RUNDC3B: variants seen among roughly 807,000 people sequenced by gnomAD.
The protein encoded by RUNDC3B is RUN domain-containing protein 3B.
RUNDC3B carries 33 observed loss-of-function variants against 58.4 expected under a neutral mutation model. The ratio of observed to expected loss-of-function variants is 0.56; its 90% CI spans 0.43 to 0.75. RUNDC3B has a LOEUF of 0.75. Ranked by LOEUF, RUNDC3B falls within the 30% of genes least tolerant of loss-of-function variation. The probability of loss-of-function intolerance (pLI) is 0.00; values close to 1 mark genes in which losing one functional copy is unlikely to be tolerated. For missense variants in RUNDC3B, 501 were observed against 535.7 expected, an observed-to-expected ratio of 0.94 and a Z score of 0.64; for synonymous variants, 193 against 195.2, an observed-to-expected ratio of 0.99 and a Z score of 0.10.
At chr7:87,728,544 A>C (rs1831382850) in intron 4 of RUNDC3B, among the ~76,000 whole-genome samples, 1 of 152,196 alleles carries the variant, frequency 6.6e-6, no homozygotes, top group Non-Finnish European at 1.5e-5. Flanking sequence ...AGATGTATGC[A>C]TTACTTGGCT....
At chr7:87,663,260 T>C (rs1194128840) in intron 2 of RUNDC3B, among the ~76,000 whole-genome samples, 4 of 152,130 alleles carry the variant, frequency 2.6e-5, no homozygotes, top group Non-Finnish European at 1.5e-5. Flanking sequence ...ATCCCTCTTA[T>C]TTTATTGTAA....
intron 6 of RUNDC3B, among the ~76,000 whole-genome samples, chr7:87,753,960 A>G (rs1205774164): frequency 6.6e-6 from 1 of 152,198 alleles, no homozygotes; most frequent in East Asian, 1.9e-4. Flanking sequence ...ATAAAGGCAC[A>G]TTTATTAAAG....
At chr7:87,773,296 C>T (rs1834389606) in intron 7 of RUNDC3B, among the ~76,000 whole-genome samples, 1 of 141,720 alleles carries the variant, frequency 7.1e-6, no homozygotes, top group Admixed American at 7.5e-5. Flanking sequence ...GCACTCCAGC[C>T]TGGGCAACAG....
At chr7:87,642,787 A>G (rs1264217995) in intron 1 of RUNDC3B, among the ~76,000 whole-genome samples, 3 of 152,216 alleles carry the variant, frequency 2.0e-5, no homozygotes, top group Non-Finnish European at 4.4e-5. Context: ...TTATATAGCA[A>G]TACAAGATGT....
At position 87,628,797 on chromosome 7, in the gene RUNDC3B, C is replaced by T; in HGVS notation, c.-27C>T. 1 of 1,217,028 alleles carries T rather than the reference C, an allele frequency of 8.2e-7. No homozygotes were observed. The highest frequency in any genetic ancestry group is 2.8e-4 in the Middle Eastern group (1 of 3,616). 75.4% of individuals were successfully genotyped at this position (1,217,028 alleles called of 1,614,324 possible). A position where few individuals can be genotyped will look rare whatever the true frequency, so the allele number is the denominator to read the frequency against. On this transcript the variant is annotated 5_prime_UTR_variant, in exon 1 of 11. Coordinates refer to ENST00000394654, the MANE Select transcript of RUNDC3B (RefSeq NM_001134405.2). The stretch of plus-strand genomic sequence containing the variant: ...GGGGGGCGTGCGGGGTGGCACGAGA[C>T]AAAAGGGGCACGGGGGTAAGCCCGC...
chr7:87,783,423 A>G (rs1835044649), intron 8 of RUNDC3B, among the ~76,000 whole-genome samples: 1 of 152,112 alleles, frequency 6.6e-6, no homozygotes, highest in East Asian at 1.9e-4. Flanking sequence ...TCTCTTGAAG[A>G]TAGCAAGTGG....
At chr7:87,715,306 T>C (rs1583983275) in intron 4 of RUNDC3B, among the ~76,000 whole-genome samples, 1 of 132,614 alleles carries the variant, frequency 7.5e-6, no homozygotes, top group East Asian at 2.0e-4. Context: ...AATAATTATA[T>C]ATAATTAATT....
At chr7:87,664,653 A>G (rs1227374419) in intron 2 of RUNDC3B, among the ~76,000 whole-genome samples, 1 of 152,178 alleles carries the variant, frequency 6.6e-6, no homozygotes, top group Non-Finnish European at 1.5e-5. Flanking sequence ...AATGGAGATG[A>G]TAGAGGTGCG....
At chr7:87,788,340 G>A (rs543526022) in intron 8 of RUNDC3B, among the ~76,000 whole-genome samples, 5 of 152,202 alleles carry the variant, frequency 3.3e-5, no homozygotes, top group Admixed American at 6.5e-5. Context: ...TGGCATAAGT[G>A]CATTCCAGTC....
chr7:87,681,735 G>A (rs1291746653), intron 2 of RUNDC3B, among the ~76,000 whole-genome samples: 4 of 138,026 alleles, frequency 2.9e-5, no homozygotes, highest in Non-Finnish European at 6.2e-5. Flanking sequence ...ACAATGGGCT[G>A]GGCACAGTGG....
intron 2 of RUNDC3B, among the ~76,000 whole-genome samples, chr7:87,698,162 C>T (rs901709115): frequency 5.9e-5 from 9 of 152,154 alleles, no homozygotes; most frequent in African/African-American, 2.2e-4. Context: ...TGCAGTGGCA[C>T]GATCTCGGCT....
chr7:87,680,403 T>C (rs1826809074), intron 2 of RUNDC3B, among the ~76,000 whole-genome samples: 2 of 150,774 alleles, frequency 1.3e-5, no homozygotes, highest in South Asian at 4.2e-4. Flanking sequence ...ATGTGTAGCA[T>C]GCAATTAAAG....
chr7:87,662,781 CT>C (rs376499258), intron 2 of RUNDC3B, among the ~76,000 whole-genome samples: 23 of 151,998 alleles, frequency 1.5e-4, no homozygotes, highest in African/African-American at 5.3e-4. Context: ...TTTTCTATTT[CT>C]GTGAAAAATG....
At chr7:87,644,526 C>T (rs573641590) in intron 1 of RUNDC3B, among the ~76,000 whole-genome samples, 2 of 152,238 alleles carry the variant, frequency 1.3e-5, no homozygotes, top group African/African-American at 2.4e-5. Flanking sequence ...TGACTTTAAC[C>T]TTTGTGAGCC....
intron 2 of RUNDC3B, among the ~76,000 whole-genome samples, chr7:87,695,456 TTTTC>T (rs1343940335): frequency 2.0e-5 from 3 of 152,096 alleles, no homozygotes; most frequent in Non-Finnish European, 4.4e-5. Flanking sequence ...AAGGAACCAA[TTTTC>T]TTTAAGTATC....
intron 1 of RUNDC3B, among the ~76,000 whole-genome samples, chr7:87,645,580 C>G (rs763732360): frequency 1.6e-4 from 24 of 152,102 alleles, no homozygotes; most frequent in Non-Finnish European, 3.1e-4. Flanking sequence ...AGACATTCAT[C>G]AAATTGTCAT....
intron 4 of RUNDC3B, among the ~76,000 whole-genome samples, chr7:87,728,263 T>A (rs1206233698): frequency 6.6e-6 from 1 of 152,192 alleles, no homozygotes; most frequent in Non-Finnish European, 1.5e-5. Flanking sequence ...TCTTCTGCAA[T>A]ACCATAGAGT....
intron 3 of RUNDC3B, among the ~76,000 whole-genome samples, chr7:87,706,439 G>T (rs1304183447): frequency 6.6e-6 from 1 of 152,134 alleles, no homozygotes; most frequent in Non-Finnish European, 1.5e-5. Flanking sequence ...GATCCCAAAG[G>T]TAAGAAAACA....
chr7:87,655,028 G>A (rs186321819), intron 2 of RUNDC3B, among the ~76,000 whole-genome samples: 19 of 152,124 alleles, frequency 1.2e-4, no homozygotes, highest in Admixed American at 1.1e-3. Context: ...AACAGCCGAA[G>A]GATAACAAGT....
Sources: gnomAD v4.1 joint callset for allele counts (sites outside exome capture counted in the v4.1 genomes callset) on GRCh38, gnomAD v4.1.1 for gene constraint, MANE v1.5 for transcripts, NCBI Gene and HGNC (gene_info 2026-07-23, HGNC 2026-07-21) for gene names.